SLC37A1: variants seen among roughly 807,000 people sequenced by gnomAD.
The protein encoded by SLC37A1 is solute carrier family 37 member 1.
A neutral mutation model predicts 75.3 loss-of-function variants in SLC37A1; 49 were observed. That is an observed-to-expected ratio of 0.65 (90% confidence interval 0.52 to 0.83). The LOEUF (loss-of-function observed/expected upper bound fraction) is 0.83, where lower values mean the gene tolerates loss of function less well. Ranked by LOEUF, SLC37A1 falls within the 40% of genes least tolerant of loss-of-function variation. The probability of loss-of-function intolerance (pLI) is 0.00; values close to 1 mark genes in which losing one functional copy is unlikely to be tolerated. For missense variants in SLC37A1, 566 were observed against 695.0 expected (o/e 0.81, Z 2.09); for synonymous variants, 268 against 292.1 (o/e 0.92, Z 0.84).
chr21:42,569,383 G>A (rs1257345227), intron 17 of SLC37A1, among the ~76,000 whole-genome samples: 7 of 152,164 alleles, frequency 4.6e-5, no homozygotes, highest in Non-Finnish European at 7.4e-5. Context: ...AAGCCCTCCC[G>A]CCACATGGCC....
At chr21:42,572,798 T>C (rs1410302914) in intron 17 of SLC37A1, among the ~76,000 whole-genome samples, 1 of 47,146 alleles carries the variant, frequency 2.1e-5, no homozygotes, top group East Asian at 2.7e-4. Flanking sequence ...GGGAATGTTC[T>C]TCTCCTCCAG....
In SLC37A1 at chr21:42,553,076, G is replaced by A. The variant is rs531708674; in HGVS notation, c.769-986G>A. On this transcript the variant is annotated intron_variant, in intron 9 of 19. Coordinates refer to ENST00000352133, the MANE Select transcript of SLC37A1 (RefSeq NM_001320537.2). ...AAATGCCTCGAAATGTAAAGGGTGGGATCCAACTGTCCATCTGAACGGAGT... is the reference window on the plus strand; with the variant it reads ...AAATGCCTCGAAATGTAAAGGGTGGAATCCAACTGTCCATCTGAACGGAGT... 7.2e-5 allele frequency among the ~76,000 whole-genome samples: 11 copies of A among 152,306 alleles called. No homozygotes were observed. The South Asian group carries it at 2.3e-3, about 32-fold the overall frequency.
At chr21:42,568,966 T>C (rs2056052918) in intron 17 of SLC37A1, among the ~76,000 whole-genome samples, 1 of 152,238 alleles carries the variant, frequency 6.6e-6, no homozygotes, top group Admixed American at 6.5e-5. Flanking sequence ...ACGGCACGGC[T>C]GTGGCCTTCC....
rs200142719 is a variant in SLC37A1 at position 42,514,885 on chromosome 21, G to GTGCCTGCCTGCC, written c.-179+177_-179+188dup. 1 of 152,364 alleles carries GTGCCTGCCTGCC rather than the reference G, an allele frequency of 6.6e-6. No homozygotes were observed. The highest frequency in any genetic ancestry group is 1.5e-5 in the Non-Finnish European group (1 of 68,166). The allele number at this position is 152,364 out of a possible 1,614,324, so 9.4% of individuals were successfully genotyped here. On this transcript the variant is annotated intron_variant, in intron 1 of 19. Transcript: ENST00000352133. This position sits in a 1 kb window ranked among gnomAD's most constrained non-coding sequence, Gnocchi z 4.8. ...TCTCCCTTAGCTCTTTGCCTGGAAG[G>GTGCCTGCCTGCC]TGCCTGCCTGCCTGCCTGCCGGCCC...
At chr21:42,509,346 G>A (rs530634936), upstream of SLC37A1, 1 of 152,332 alleles carries the variant, frequency 6.6e-6, no homozygotes, top group South Asian at 2.1e-4. This position sits in a 1 kb window ranked among gnomAD's most constrained non-coding sequence, Gnocchi z 4.2. Context: ...CCCACCCACG[G>A]TGACTCAGTC....
chr21:42,556,192 C>A (rs1371506445), intron 10 of SLC37A1, among the ~76,000 whole-genome samples: 1 of 152,204 alleles, frequency 6.6e-6, no homozygotes, highest in Non-Finnish European at 1.5e-5. Context: ...CGCAGGTCCC[C>A]GCGGGCGTTT....
intron 16 of SLC37A1, 55 bp downstream of exon 16, chr21:42,567,113 C>A: frequency 1.3e-6 from 2 of 1,585,220 alleles, no homozygotes; most frequent in Admixed American, 3.4e-5. Context: ...ATGTGCCATT[C>A]ATGACAAAAG....
intron 3 of SLC37A1, among the ~76,000 whole-genome samples, chr21:42,530,908 G>A (rs1055741469): frequency 4.6e-5 from 7 of 152,216 alleles, no homozygotes; most frequent in African/African-American, 7.2e-5. Context: ...TTCTGTCTGC[G>A]AAGTGGCTCA....
intron 11 of SLC37A1, 145 bp from the exon 12 acceptor site, chr21:42,561,933 C>T: frequency 1.4e-6 from 1 of 692,380 alleles, no homozygotes; most frequent in Non-Finnish European, 2.6e-6. Context: ...GCAGCACCCT[C>T]CCCAGTACGT....
chr21:42,547,996 C>T lies in SLC37A1; in HGVS notation c.768+856C>T, dbSNP rs932291778. Among the ~76,000 whole-genome samples, 3 of 152,168 alleles carry T rather than the reference C, an allele frequency of 2.0e-5. No homozygotes were observed. The highest frequency in any genetic ancestry group is 2.9e-5 in the Non-Finnish European group (2 of 68,022). On this transcript the variant is annotated intron_variant, in intron 9 of 19. Coordinates refer to ENST00000352133, the MANE Select transcript of SLC37A1 (RefSeq NM_001320537.2). The surrounding 1 kb of genome is among the most constrained non-coding windows in gnomAD (Gnocchi z 6.1). ...CTCTCTGGCCTCACCCTGCTGGGCC[C>T]GTCGCCCGCGTCTGACCCAATGCTT...
At position 42,562,694 on chromosome 21, in the gene SLC37A1, G is replaced by A. The variant is rs577194556; in HGVS notation, c.1072+526G>A. ...GTAACATGCCCCCCCCATGTCATGT[G>A]TGAACACAGGACAGACAAGAGGAGA... On this transcript the variant is annotated intron_variant, in intron 12 of 19. Coordinates refer to ENST00000352133, the MANE Select transcript of SLC37A1 (RefSeq NM_001320537.2). Among the ~76,000 whole-genome samples the A allele has an allele frequency of 2.6e-5, 4 of 152,174 alleles. 1 individual carries two copies. In the East Asian group the frequency reaches 7.7e-4, roughly 29 times the overall value.
intron 9 of SLC37A1, among the ~76,000 whole-genome samples, chr21:42,549,273 G>A (rs2055498281): frequency 6.6e-6 from 1 of 152,198 alleles, no homozygotes; most frequent in South Asian, 2.1e-4. Context: ...GCGTGCAGGG[G>A]GTTTTGGGGA....
intron 9 of SLC37A1, among the ~76,000 whole-genome samples, chr21:42,549,585 A>G (rs1018757938): frequency 6.6e-6 from 1 of 152,138 alleles, no homozygotes; most frequent in Non-Finnish European, 1.5e-5. Context: ...AACAGCCCCA[A>G]AGTTCTTTTT....
At position 42,577,893 on chromosome 21, in the gene SLC37A1, C is replaced by T. The variant is rs186278881; in HGVS notation, c.1522-1843C>T. ...CAGGTAAATAATAACCAGAGGAAGC[C>T]GGATTTGCTGCGTTGGAAGAAAGAG... On this transcript the variant is annotated intron_variant, in intron 18 of 19. Coordinates refer to ENST00000352133, the MANE Select transcript of SLC37A1 (RefSeq NM_001320537.2). 3.4e-3 allele frequency among the ~76,000 whole-genome samples: 510 copies of T among 152,222 alleles called. 7 individuals are homozygous for T. The South Asian group carries it at 0.045, about 13-fold the overall frequency.
At chr21:42,551,206 A>T (rs780417429) in intron 9 of SLC37A1, among the ~76,000 whole-genome samples, 2 of 152,266 alleles carry the variant, frequency 1.3e-5, no homozygotes, top group African/African-American at 2.4e-5. Context: ...TTAATAAGTT[A>T]GCAAGGTTGC....
Position 42,530,654 on chromosome 21 carries a change from A to ACACACACACACACACACC in SLC37A1, c.139-4043_139-4042insACACACACACACACACCC, listed in dbSNP as rs1161313598. ...CACACACACACACACACACACACAC[A>ACACACACACACACACACC]CCCCCTCTGTGTTGGCTGAAGGTGG... On this transcript the variant is annotated intron_variant, in intron 3 of 19. Coordinates refer to ENST00000352133, the MANE Select transcript of SLC37A1 (RefSeq NM_001320537.2). Among the ~76,000 whole-genome samples the ACACACACACACACACACC allele has an allele frequency of 3.3e-3, 119 of 35,892 alleles. 4 individuals are homozygous for ACACACACACACACACACC. Among genetic ancestry groups the ACACACACACACACACACC allele is most frequent in the Non-Finnish European group, 4.4e-3 (85 of 19,104 alleles). 23.5% of individuals were successfully genotyped at this position (35,892 alleles called of 152,430 possible).
chr21:42,525,904 T>C (rs1477061816), intron 3 of SLC37A1, 47 bp downstream of exon 3: 1 of 1,466,216 alleles, frequency 6.8e-7, no homozygotes, highest in Non-Finnish European at 9.6e-7. Context: ...GAGGAGTTCG[T>C]CACTTGAAAA....
chr21:42,564,175 T>G (rs2055910608), intron 13 of SLC37A1, among the ~76,000 whole-genome samples: 1 of 147,280 alleles, frequency 6.8e-6, no homozygotes, highest in South Asian at 2.1e-4. Context: ...GCTTGAGGTC[T>G]TCTTGTTATG....
At chr21:42,512,357 A>T (rs1184828876), upstream of SLC37A1, among the ~76,000 whole-genome samples, 1 of 152,180 alleles carries the variant, frequency 6.6e-6, no homozygotes, top group African/African-American at 2.4e-5. Flanking sequence ...GAAAATCAGG[A>T]ATGACAAGAT....
Sources: gnomAD v4.1 joint callset for allele counts (sites outside exome capture counted in the v4.1 genomes callset) on GRCh38, gnomAD v4.1.1 for gene constraint, Gnocchi (gnomAD v3.1) non-coding constraint, MANE v1.5 for transcripts, NCBI Gene and HGNC (gene_info 2026-07-23, HGNC 2026-07-21) for gene names.